The following DGKI variants were observed in gnomAD, a reference collection of about 807,000 sequenced individuals.
The protein encoded by DGKI is diacylglycerol kinase iota, also known as DAG kinase iota.
DGKI carries 55 observed loss-of-function variants against 147.5 expected under a neutral mutation model. That is an observed-to-expected ratio of 0.37 (90% CI 0.30 to 0.47). DGKI has a LOEUF of 0.47. DGKI is among the 20% of genes least tolerant of loss of function. The pLI is 1.00. For missense variants in DGKI, 1,007 were observed against 1,323.8 expected, an observed-to-expected ratio of 0.76 and a Z score of 3.71; for synonymous variants, 469 against 477.1, an observed-to-expected ratio of 0.98 and a Z score of 0.22.
In DGKI at chr7:137,443,437, A is replaced by C. The variant is rs528691096; in HGVS notation, c.2761+640T>G. ...GTTCCATATAGCATATTTGTAAAAC[A>C]TAACTACATAGCATAACTGATCATT... is the stretch of plus-strand genomic sequence containing the variant. On this transcript the variant is annotated intron_variant, in intron 28 of 32. Transcript: ENST00000614521. 3.9e-5 allele frequency among the ~76,000 whole-genome samples: 6 copies of C among 152,360 alleles called. No homozygotes were observed. The South Asian group carries it at 1.0e-3, about 26-fold the overall frequency.
At chr7:137,460,087 A>G (rs1814373901) in intron 27 of DGKI, among the ~76,000 whole-genome samples, 1 of 152,182 alleles carries the variant, frequency 6.6e-6, no homozygotes, top group South Asian at 2.1e-4. Flanking sequence ...CACTGTCAAC[A>G]GGATGCTAAA....
intron 10 of DGKI, among the ~76,000 whole-genome samples, chr7:137,600,868 T>C (rs1293449748): frequency 6.6e-6 from 1 of 152,204 alleles, no homozygotes; most frequent in African/African-American, 2.4e-5. Context: ...CTCTGTCACG[T>C]GAACATTTTT....
At chr7:137,748,868 G>C (rs1563179955) in intron 1 of DGKI, among the ~76,000 whole-genome samples, 1 of 152,064 alleles carries the variant, frequency 6.6e-6, no homozygotes, top group Non-Finnish European at 1.5e-5. Context: ...TTATAACTGG[G>C]ATTATTCATC....
At chr7:137,825,736 T>TGGTA (rs1433760794) in intron 1 of DGKI, among the ~76,000 whole-genome samples, 1 of 151,510 alleles carries the variant, frequency 6.6e-6, no homozygotes, top group Non-Finnish European at 1.5e-5. Context: ...ACACACTCAG[T>TGGTA]GGTAGGCAGT....
Position 137,638,320 on chromosome 7 carries a change from T to A in DGKI, c.804+7152A>T, listed in dbSNP as rs373660696. ...ATATACATTTTGTTCATGTTCCTCC[T>A]CCAATTTTTATCTTAAATGTCATTA... On this transcript the variant is annotated intron_variant, in intron 6 of 32. Transcript: ENST00000614521. Among the ~76,000 whole-genome samples, 35 of 151,020 alleles carry A rather than the reference T, an allele frequency of 2.3e-4. 1 individual carries two copies. The South Asian group carries it at 6.5e-3, about 28-fold the overall frequency.
chr7:137,777,967 T>C (rs748052408), intron 1 of DGKI, among the ~76,000 whole-genome samples: 2 of 152,196 alleles, frequency 1.3e-5, no homozygotes, highest in Non-Finnish European at 2.9e-5. Flanking sequence ...CCTTCCCTTA[T>C]TTCCTCAACA....
chr7:137,540,715 AT>A (rs1436001822), intron 20 of DGKI, among the ~76,000 whole-genome samples: 1 of 140,444 alleles, frequency 7.1e-6, no homozygotes, highest in African/African-American at 2.7e-5. Flanking sequence ...TAGTATTTCT[AT>A]ATACTAACAA....
chr7:137,406,324 C>G (rs950981796), intron 30 of DGKI, among the ~76,000 whole-genome samples: 8 of 152,096 alleles, frequency 5.3e-5, no homozygotes, highest in African/African-American at 1.9e-4. Context: ...CTGCAAGAGA[C>G]TGAATAGCCA....
intron 6 of DGKI, among the ~76,000 whole-genome samples, chr7:137,628,299 T>C (rs912493442): frequency 2.0e-5 from 3 of 152,240 alleles, no homozygotes; most frequent in Non-Finnish European, 4.4e-5. Context: ...ACTACACTTA[T>C]GCAGTATTGT....
chr7:137,605,078 C>T (rs570491921), intron 10 of DGKI, among the ~76,000 whole-genome samples: 55 of 152,116 alleles, frequency 3.6e-4, no homozygotes, highest in South Asian at 1.5e-3. Context: ...GAGGCCAAGG[C>T]GGGCAGATCA....
At chr7:137,772,537 A>C (rs546254985) in intron 1 of DGKI, among the ~76,000 whole-genome samples, 24 of 152,230 alleles carry the variant, frequency 1.6e-4, no homozygotes, top group Non-Finnish European at 2.2e-4. Context: ...AATGGTTTAT[A>C]ATGAATGACC....
chr7:137,788,569 G>A (rs1005879436), intron 1 of DGKI, among the ~76,000 whole-genome samples: 4 of 150,084 alleles, frequency 2.7e-5, no homozygotes, highest in East Asian at 1.9e-4. Flanking sequence ...AGGACTCCTC[G>A]CCTGTATATC....
At chr7:137,831,998 C>T (rs1798233544) in intron 1 of DGKI, among the ~76,000 whole-genome samples, 1 of 152,232 alleles carries the variant, frequency 6.6e-6, no homozygotes, top group Non-Finnish European at 1.5e-5. Context: ...AAATGATCAA[C>T]TTTGACTCCA....
At chr7:137,552,212 ACT>A (rs1212532944) in intron 20 of DGKI, among the ~76,000 whole-genome samples, 155 bp downstream of exon 20, 1 of 152,030 alleles carries the variant, frequency 6.6e-6, no homozygotes, top group Non-Finnish European at 1.5e-5. Flanking sequence ...GGAGAAAAAA[ACT>A]CTATGTGTTC....
intron 3 of DGKI, among the ~76,000 whole-genome samples, chr7:137,659,126 G>T (rs1166251102): frequency 6.6e-6 from 1 of 152,098 alleles, no homozygotes; most frequent in Non-Finnish European, 1.5e-5. Context: ...TTTGGGTAGA[G>T]CTCCTTTTGA....
intron 1 of DGKI, among the ~76,000 whole-genome samples, chr7:137,835,303 C>T (rs928466031): frequency 4.6e-5 from 7 of 152,106 alleles, no homozygotes; most frequent in Non-Finnish European, 7.3e-5. Context: ...CCCTGTGAAC[C>T]GTGTGCGGCT....
chr7:137,693,913 A>C (rs973797900), intron 1 of DGKI, among the ~76,000 whole-genome samples: 5 of 152,250 alleles, frequency 3.3e-5, no homozygotes, highest in African/African-American at 9.6e-5. Context: ...TTGTGTGGTC[A>C]ACATTAAAAT....
chr7:137,512,775 C>A (rs1816621046), intron 21 of DGKI, among the ~76,000 whole-genome samples: 1 of 152,112 alleles, frequency 6.6e-6, no homozygotes, highest in Non-Finnish European at 1.5e-5. Context: ...AGCACAGCAC[C>A]AGAGCATATT....
intron 2 of DGKI, among the ~76,000 whole-genome samples, chr7:137,681,202 G>A (rs1823224755): frequency 6.6e-6 from 1 of 152,070 alleles, no homozygotes; most frequent in Admixed American, 6.6e-5. Flanking sequence ...TACATCAAAG[G>A]GTGGACACCT....
Sources: gnomAD v4.1 joint callset for allele counts (sites outside exome capture counted in the v4.1 genomes callset) on GRCh38, gnomAD v4.1.1 for gene constraint, MANE v1.5 for transcripts, NCBI Gene and HGNC (gene_info 2026-07-23, HGNC 2026-07-21) for gene names.